LSM12: variants seen among roughly 807,000 people sequenced by gnomAD.
LSM12 encodes the protein LSM12 homolog.
For synonymous variants in LSM12, 74 were observed against 87.3 expected (o/e 0.85, Z 0.85); for missense variants, 108 against 238.9 (o/e 0.45, Z 3.61).
chr17:44,060,713 G>A (rs1317320932), intron 2 of LSM12, among the ~76,000 whole-genome samples: 3 of 152,154 alleles, frequency 2.0e-5, no homozygotes, highest in Non-Finnish European at 1.5e-5. Context: ...TAATCAGCTA[G>A]TTTACAACAA....
At chr17:44,049,901 T>A (rs2049620089) in intron 2 of LSM12, among the ~76,000 whole-genome samples, 1 of 152,140 alleles carries the variant, frequency 6.6e-6, no homozygotes, top group Non-Finnish European at 1.5e-5. Flanking sequence ...CTCTGTGTAT[T>A]TGGGTCTTCC....
chr17:44,066,639 C>T lies in LSM12; in HGVS notation c.-52G>A, dbSNP rs1350426681. On this transcript the variant is annotated 5_prime_UTR_variant, in exon 1 of 5. Transcript: ENST00000293406. ...CGGCGGCGGCAGCAGCGGGCGAAAGCCGGGCCCCCAGTGAGCGCCGCGACG... is the reference window on the plus strand; with the variant it reads ...CGGCGGCGGCAGCAGCGGGCGAAAGTCGGGCCCCCAGTGAGCGCCGCGACG... The T allele has an allele frequency of 7.7e-6, 10 of 1,298,084 alleles. No individual in the cohort carries two copies. The highest frequency in any genetic ancestry group is 5.9e-4 in the Middle Eastern group (2 of 3,362). The allele number at this position is 1,298,084 out of a possible 1,614,324, so 80.4% of individuals were successfully genotyped here. A position where few individuals can be genotyped will look rare whatever the true frequency, so the allele number is the denominator to read the frequency against.
intron 2 of LSM12, among the ~76,000 whole-genome samples, chr17:44,048,851 A>C (rs186740445): frequency 5.3e-5 from 8 of 152,274 alleles, no homozygotes; most frequent in African/African-American, 1.9e-4. Context: ...TGATGTGGGC[A>C]AAGGAGAAAA....
rs530342490 is a variant in LSM12 at position 44,040,265 on chromosome 17, G to C, written c.259-9C>G. On this transcript the variant is annotated splice_polypyrimidine_tract_variant and intron_variant, in intron 2 of 4. Coordinates refer to ENST00000293406, the MANE Select transcript of LSM12 (RefSeq NM_001371445.1). The stretch of plus-strand genomic sequence containing the variant: ...CGTGCTTTGCTGGCAAGCTAGGGTG[G>C]AAGAGAGGAAAGAGACTCAGAATAG... The C allele has an allele frequency of 2.1e-5, 34 of 1,604,990 alleles. No individual in the cohort carries two copies. The highest frequency in any genetic ancestry group is 2.7e-5 in the Non-Finnish European group (32 of 1,172,094).
chr17:44,049,180 C>CT (rs995438018), intron 2 of LSM12, among the ~76,000 whole-genome samples: 1 of 152,090 alleles, frequency 6.6e-6, no homozygotes, highest in Non-Finnish European at 1.5e-5. Flanking sequence ...GACAGAGACT[C>CT]TGTCTTTAAA....
Position 44,036,235 on chromosome 17 carries a change from T to C in LSM12, c.561A>G (p.Pro187=). ...KILQRSQAQQ[P]QKEAALSS ...AGGATGACAGGGCAGCCTCCTTCTG[T>C]GGTTGCTGGGCTTGTGAACGTTGCA... Residue 187 remains proline, a synonymous_variant, in exon 5 of 5, where the codon CCA becomes CCG. Coordinates refer to ENST00000293406, the MANE Select transcript of LSM12 (RefSeq NM_001371445.1). 1.9e-6 allele frequency: 3 copies of C among 1,613,390 alleles called. No homozygotes were observed. The highest frequency in any genetic ancestry group is 2.5e-6 in the Non-Finnish European group (3 of 1,179,866).
At chr17:44,048,493 A>AAG (rs1323660005) in intron 2 of LSM12, among the ~76,000 whole-genome samples, 1 of 151,626 alleles carries the variant, frequency 6.6e-6, no homozygotes, top group Non-Finnish European at 1.5e-5. Flanking sequence ...AAAAAAAAAA[A>AAG]AAAAAAAGTA....
intron 2 of LSM12, among the ~76,000 whole-genome samples, chr17:44,045,310 G>A (rs1022914844): frequency 2.0e-5 from 3 of 152,252 alleles, no homozygotes; most frequent in African/African-American, 7.2e-5. Context: ...ACAAGCGTAA[G>A]CCACCATGCC....
intron 2 of LSM12, among the ~76,000 whole-genome samples, chr17:44,063,577 C>A (rs2049828433): frequency 6.6e-6 from 1 of 152,164 alleles, no homozygotes; most frequent in South Asian, 2.1e-4. Flanking sequence ...AAGGCAGAAG[C>A]AAGCTCTCAA....
At chr17:44,050,330 G>A (rs1431911398) in intron 2 of LSM12, among the ~76,000 whole-genome samples, 1 of 141,460 alleles carries the variant, frequency 7.1e-6, no homozygotes, top group East Asian at 4.4e-4. Context: ...GGCTGGTCTC[G>A]AACTCCTGAC....
chr17:44,045,220 G>A (rs2049546281), intron 2 of LSM12, among the ~76,000 whole-genome samples: 5 of 152,020 alleles, frequency 3.3e-5, no homozygotes. Context: ...TAGAGACAGG[G>A]GTTCACCATG....
intron 1 of LSM12, among the ~76,000 whole-genome samples, chr17:44,064,273 T>C (rs1250611297): frequency 6.6e-6 from 1 of 152,228 alleles, no homozygotes; most frequent in South Asian, 2.1e-4. Flanking sequence ...GTCTGCACAG[T>C]ATTCTTTTTA....
At chr17:44,037,594 CT>C (rs2049432570) in intron 3 of LSM12, 56 bp from the exon 4 acceptor site, 1 of 1,519,166 alleles carries the variant, frequency 6.6e-7, no homozygotes. Flanking sequence ...CCCACATCTC[CT>C]GTCTGATGAA....
intron 2 of LSM12, among the ~76,000 whole-genome samples, chr17:44,057,022 G>C (rs112294858): frequency 6.6e-6 from 1 of 151,916 alleles, no homozygotes; most frequent in Non-Finnish European, 1.5e-5. Context: ...CGGACGTGGT[G>C]GGGCGCACCT....
intron 3 of LSM12, among the ~76,000 whole-genome samples, chr17:44,038,320 C>T (rs1201395033): frequency 6.7e-6 from 1 of 148,896 alleles, no homozygotes; most frequent in African/African-American, 2.5e-5. Context: ...CACCACTGCA[C>T]TCCCAACCTA....
chr17:44,064,177 A>G (rs1409490122), intron 1 of LSM12, among the ~76,000 whole-genome samples: 6 of 152,220 alleles, frequency 3.9e-5, no homozygotes, highest in African/African-American at 1.4e-4. Flanking sequence ...ATGGAGAGGC[A>G]TAATGCAGAT....
At chr17:44,061,124 C>T (rs2049789836) in intron 2 of LSM12, among the ~76,000 whole-genome samples, 1 of 151,982 alleles carries the variant, frequency 6.6e-6, no homozygotes, top group Non-Finnish European at 1.5e-5. Flanking sequence ...TCGAGACCAG[C>T]CTGACCAACA....
Position 44,034,360 on chromosome 17 carries a change from G to A in LSM12, c.*1848C>T, listed in dbSNP as rs568992243. Among the ~76,000 whole-genome samples, 9 of 152,212 alleles carry A rather than the reference G, an allele frequency of 5.9e-5. No individual in the cohort carries two copies. The East Asian group carries it at 7.7e-4, about 13-fold the overall frequency. ...GATCTGAAAGTTTACTTCTCAGCTC[G>A]CCGACCATTTGTGCCTCCAAACAGT... On this transcript the variant is annotated 3_prime_UTR_variant, in exon 5 of 5. Coordinates refer to ENST00000293406, the MANE Select transcript of LSM12 (RefSeq NM_001371445.1).
chr17:44,034,556 AG>A lies in LSM12; in HGVS notation c.*1651del, dbSNP rs2049395784. The A allele has an allele frequency of 6.6e-6, 1 of 152,570 alleles. No homozygotes were observed. Among genetic ancestry groups the A allele is most frequent in the Non-Finnish European group, 1.5e-5 (1 of 68,052 alleles). 9.5% of individuals were successfully genotyped at this position (152,570 alleles called of 1,614,324 possible). A position where few individuals can be genotyped will look rare whatever the true frequency, so the allele number is the denominator to read the frequency against. ...ATAGTAGGAAGAAGAGACTCTAAAG[AG>A]AAAGGTCAAATCAGACAGACATACC... On this transcript the variant is annotated 3_prime_UTR_variant, in exon 5 of 5. Coordinates refer to ENST00000293406, the MANE Select transcript of LSM12 (RefSeq NM_001371445.1).
Sources: allele counts gnomAD v4.1 joint callset (sites outside exome capture counted in the v4.1 genomes callset), GRCh38; gene constraint gnomAD v4.1.1; transcripts MANE v1.5; gene names NCBI Gene and HGNC (gene_info 2026-07-23, HGNC 2026-07-21).